The following ARPC1A variants were observed in gnomAD, a reference collection of about 807,000 sequenced individuals.
ARPC1A encodes the protein actin-related protein 2/3 complex subunit 1A.
In ARPC1A, 8 loss-of-function variants were observed where a neutral mutation model predicts 46.9. The observed-to-expected ratio is 0.17, with a 90% CI of 0.10 to 0.31. The LOEUF (loss-of-function observed/expected upper bound fraction) is 0.31, where lower values mean the gene tolerates loss of function less well. Among genes scored for constraint, ARPC1A ranks in the 10% least tolerant of loss-of-function variants. The probability of loss-of-function intolerance (pLI) is 1.00; values close to 1 mark genes in which losing one functional copy is unlikely to be tolerated. For missense variants in ARPC1A, 286 were observed against 483.6 expected, an observed-to-expected ratio of 0.59 and a Z score of 3.83; for synonymous variants, 152 against 169.0, an observed-to-expected ratio of 0.90 and a Z score of 0.78.
chr7:99,363,176 A>G (rs1793772472), intron 8 of ARPC1A, among the ~76,000 whole-genome samples: 1 of 152,134 alleles, frequency 6.6e-6, no homozygotes, highest in Admixed American at 6.6e-5. Flanking sequence ...TCCCCTTGCC[A>G]GTTTTGTCTT....
intron 4 of ARPC1A, among the ~76,000 whole-genome samples, chr7:99,345,352 C>T (rs995077583): frequency 6.6e-6 from 1 of 152,196 alleles, no homozygotes; most frequent in African/African-American, 2.4e-5. Flanking sequence ...AGCTATTGCA[C>T]ATTTTTTAAA....
intron 5 of ARPC1A, 55 bp downstream of exon 5, chr7:99,349,014 A>C (rs1403786626): frequency 4.0e-6 from 6 of 1,482,176 alleles, no homozygotes; most frequent in Non-Finnish European, 5.6e-6. Flanking sequence ...ATCCTTCAAC[A>C]AATAATTTTA....
chr7:99,360,889 C>G (rs1038036141), intron 8 of ARPC1A, among the ~76,000 whole-genome samples: 1 of 131,884 alleles, frequency 7.6e-6, no homozygotes, highest in African/African-American at 3.1e-5. Flanking sequence ...TGCAGTGAGC[C>G]AAGATTGAGC....
intron 6 of ARPC1A, among the ~76,000 whole-genome samples, chr7:99,356,146 A>G (rs1333710991): frequency 6.6e-6 from 1 of 152,178 alleles, no homozygotes; most frequent in African/African-American, 2.4e-5. Context: ...TGTGATGGAC[A>G]TGGCCACTTG....
chr7:99,349,634 C>A (rs1265618341), intron 5 of ARPC1A, among the ~76,000 whole-genome samples: 1 of 151,964 alleles, frequency 6.6e-6, no homozygotes, highest in Non-Finnish European at 1.5e-5. Context: ...GTCAGGAGAT[C>A]GAGACCATCC....
chr7:99,333,077 A>G (rs949580352), intron 1 of ARPC1A, among the ~76,000 whole-genome samples: 19 of 152,170 alleles, frequency 1.2e-4, no homozygotes, highest in Admixed American at 7.2e-4. Context: ...TTGTATTTTT[A>G]GTAGAAACTG....
intron 2 of ARPC1A, 86 bp from the exon 3 acceptor site, chr7:99,338,095 C>A: frequency 1.0e-6 from 1 of 972,408 alleles, no homozygotes; most frequent in South Asian, 1.7e-5. Context: ...TTACTATAGT[C>A]TGCTTTTAAA....
chr7:99,345,916 G>A (rs2150866549), intron 4 of ARPC1A, among the ~76,000 whole-genome samples: 1 of 152,114 alleles, frequency 6.6e-6, no homozygotes, highest in Non-Finnish European at 1.5e-5. Context: ...GGAATTTGCG[G>A]TAAAATTGAG....
At chr7:99,359,174 G>A (rs559032381) in intron 7 of ARPC1A, among the ~76,000 whole-genome samples, 2 of 150,346 alleles carry the variant, frequency 1.3e-5, no homozygotes, top group South Asian at 2.2e-4. Context: ...GATGGCTCAC[G>A]CCTGTAGTCC....
At chr7:99,345,946 G>T (rs905722540) in intron 4 of ARPC1A, among the ~76,000 whole-genome samples, 4 of 152,190 alleles carry the variant, frequency 2.6e-5, no homozygotes, top group Admixed American at 2.0e-4. Context: ...AGGTACAGTG[G>T]CTCATGCCTG....
chr7:99,344,250 G>A (rs1391332305), intron 3 of ARPC1A, 43 bp from the exon 4 acceptor site: 1 of 1,599,460 alleles, frequency 6.3e-7, no homozygotes, highest in Non-Finnish European at 8.6e-7. Flanking sequence ...GCAGTTGTTT[G>A]TCATTGACTG....
chr7:99,355,636 C>T (rs187960768), intron 6 of ARPC1A, among the ~76,000 whole-genome samples: 59 of 151,668 alleles, frequency 3.9e-4, no homozygotes, highest in Non-Finnish European at 7.4e-4. Flanking sequence ...CCCAGCTACT[C>T]GGGAGGCTGA....
At chr7:99,363,216 G>A (rs1793772967) in intron 8 of ARPC1A, among the ~76,000 whole-genome samples, 2 of 152,006 alleles carry the variant, frequency 1.3e-5, no homozygotes, top group Non-Finnish European at 2.9e-5. Context: ...ATATGCTTTG[G>A]GGTATTTTCT....
At chr7:99,327,955 C>G (rs1426678711) in intron 1 of ARPC1A, among the ~76,000 whole-genome samples, 2 of 152,084 alleles carry the variant, frequency 1.3e-5, no homozygotes, top group Non-Finnish European at 2.9e-5. Context: ...AAACAGGGGA[C>G]AGAAATGCCC....
chr7:99,352,012 G>T (rs901051121), intron 5 of ARPC1A, among the ~76,000 whole-genome samples: 13 of 152,162 alleles, frequency 8.5e-5, no homozygotes, highest in African/African-American at 3.1e-4. Flanking sequence ...TGGACAGTGG[G>T]CCTGAGGGTC....
Position 99,352,679 on chromosome 7 carries a change from G to C in ARPC1A, c.501-1230G>C, listed in dbSNP as rs553450868. On this transcript the variant is annotated intron_variant, in intron 5 of 9. Transcript: ENST00000262942. ...TTAAAAAAAAAAAAAAAGTTGGAGC[G>C]GGGGATCAGGTGTGGTGGCTCATGC... is the stretch of plus-strand genomic sequence containing the variant. Among the ~76,000 whole-genome samples the C allele has an allele frequency of 1.1e-4, 17 of 151,118 alleles. No individual in the cohort carries two copies. In the East Asian group the frequency reaches 1.6e-3, roughly 14 times the overall value.
chr7:99,336,527 T>A (rs1318862562), intron 2 of ARPC1A, among the ~76,000 whole-genome samples: 2 of 140,750 alleles, frequency 1.4e-5, no homozygotes, highest in Non-Finnish European at 3.0e-5. Flanking sequence ...GGTCTCACTC[T>A]GTCACCCAGG....
intron 7 of ARPC1A, 62 bp downstream of exon 7, chr7:99,358,477 A>G (rs1793680437): frequency 2.1e-6 from 3 of 1,424,994 alleles, no homozygotes; most frequent in African/African-American, 1.4e-5. Context: ...ACAGGGAACA[A>G]TGTGTGCTCT....
intron 3 of ARPC1A, among the ~76,000 whole-genome samples, chr7:99,339,468 G>A (rs760150931): frequency 2.0e-5 from 3 of 152,154 alleles, no homozygotes; most frequent in Admixed American, 2.0e-4. Flanking sequence ...CAAGGCTGCA[G>A]TGAGCTGTGA....
Sources: allele counts gnomAD v4.1 joint callset (sites outside exome capture counted in the v4.1 genomes callset), GRCh38; gene constraint gnomAD v4.1.1; transcripts MANE v1.5; gene names NCBI Gene and HGNC (gene_info 2026-07-23, HGNC 2026-07-21).